Variants in PDE4B observed in about 807,000 individuals in gnomAD.
PDE4B encodes phosphodiesterase 4B, also known as 3',5'-cyclic-AMP phosphodiesterase 4B.
Under a neutral mutation model 82.2 loss-of-function variants are expected in PDE4B, and 20 were observed. The observed-to-expected ratio is 0.24, with a 90% CI of 0.17 to 0.35. The LOEUF (loss-of-function observed/expected upper bound fraction) is 0.35. PDE4B is among the 10% of genes least tolerant of loss of function. PDE4B has a pLI of 1.00. For missense variants in PDE4B, 655 were observed against 907.2 expected, an observed-to-expected ratio of 0.72 and a Z score of 3.57; for synonymous variants, 320 against 318.9, an observed-to-expected ratio of 1.00 and a Z score of -0.04.
intron 3 of PDE4B, among the ~76,000 whole-genome samples, chr1:66,102,301 G>A (rs915229245): frequency 4.6e-5 from 7 of 151,950 alleles, no homozygotes; most frequent in African/African-American, 7.2e-5. Flanking sequence ...TTTCATCATC[G>A]TGTTTTCGGG....
intron 1 of PDE4B, among the ~76,000 whole-genome samples, chr1:65,892,444 G>A (rs1274370472): frequency 6.6e-6 from 1 of 152,044 alleles, no homozygotes; most frequent in Non-Finnish European, 1.5e-5. Flanking sequence ...AGCAAAACAT[G>A]CCTCAAAACC....
chr1:65,997,945 G>T (rs886354622), intron 3 of PDE4B, among the ~76,000 whole-genome samples: 2 of 152,198 alleles, frequency 1.3e-5, no homozygotes, highest in African/African-American at 4.8e-5. Flanking sequence ...GATGACATTT[G>T]TGTGGGGTTG....
chr1:66,280,268 C>CGCAAGTAG (rs1248083896), intron 7 of PDE4B, among the ~76,000 whole-genome samples: 9 of 152,198 alleles, frequency 5.9e-5, no homozygotes, highest in African/African-American at 2.2e-4. Context: ...CTTGACAGTG[C>CGCAAGTAG]GCAAGTAGTG....
At position 66,190,820 on chromosome 1, in the gene PDE4B, T is replaced by C. The variant is rs1647732274; in HGVS notation, c.282-56640T>C. Among the ~76,000 whole-genome samples, 3 of 152,076 alleles carry C rather than the reference T, an allele frequency of 2.0e-5. No individual in the cohort carries two copies. The South Asian group carries it at 6.2e-4, about 32-fold the overall frequency. On this transcript the variant is annotated intron_variant, in intron 3 of 16. Coordinates refer to ENST00000341517, the MANE Select transcript of PDE4B (RefSeq NM_002600.4). Reference sequence around the variant, plus strand: ...CGATGCCTCACCCTGCTTTGGCTCATACTCGGTGTGCTGCACGTGCTGTCC... The same window carrying C: ...CGATGCCTCACCCTGCTTTGGCTCACACTCGGTGTGCTGCACGTGCTGTCC...
Position 66,177,806 on chromosome 1 carries a change from C to G in PDE4B, c.282-69654C>G, listed in dbSNP as rs143531234. On this transcript the variant is annotated intron_variant, in intron 3 of 16. Transcript: ENST00000341517. ...AGTAAGCCACAGGAATGCCCTGAAGCCTTTCCTAAAGGTGGGATCATCATG... is the reference window on the plus strand; with the variant it reads ...AGTAAGCCACAGGAATGCCCTGAAGGCTTTCCTAAAGGTGGGATCATCATG... Among the ~76,000 whole-genome samples, 517 of 152,194 alleles carry G rather than the reference C, an allele frequency of 3.4e-3. 4 individuals carry two copies. Among genetic ancestry groups the G allele is most frequent in the African/African-American group, 0.012 (494 of 41,512 alleles).
chr1:66,164,364 A>C (rs1023535194), intron 3 of PDE4B, among the ~76,000 whole-genome samples: 2 of 151,530 alleles, frequency 1.3e-5, no homozygotes, highest in African/African-American at 4.9e-5. Flanking sequence ...GTGAAACCCC[A>C]TCTCTACTAA....
chr1:66,117,880 C>T (rs1007025246), intron 3 of PDE4B, among the ~76,000 whole-genome samples: 1 of 152,144 alleles, frequency 6.6e-6, no homozygotes, highest in African/African-American at 2.4e-5. Context: ...CCTAAGGAAT[C>T]GCCACACTGA....
chr1:66,078,594 C>A (rs1463457899), intron 3 of PDE4B, among the ~76,000 whole-genome samples: 1 of 152,060 alleles, frequency 6.6e-6, no homozygotes, highest in African/African-American at 2.4e-5. Flanking sequence ...GTAGCATGTG[C>A]TTAATCTCTA....
At chr1:65,939,075 TC>T (rs768501992) in intron 3 of PDE4B, among the ~76,000 whole-genome samples, 2 of 152,118 alleles carry the variant, frequency 1.3e-5, no homozygotes, top group Non-Finnish European at 2.9e-5. Flanking sequence ...CAGACACTGT[TC>T]CAGGTGTTGG....
At chr1:66,190,313 C>G (rs1159904119) in intron 3 of PDE4B, among the ~76,000 whole-genome samples, 1 of 152,202 alleles carries the variant, frequency 6.6e-6, no homozygotes, top group African/African-American at 2.4e-5. Flanking sequence ...TCTGTCCATT[C>G]TCAGATCTCC....
chr1:66,372,234 T>G, intron 16 of PDE4B, 79 bp from the exon 17 acceptor site: 2 of 1,413,080 alleles, frequency 1.4e-6, no homozygotes, highest in Non-Finnish European at 1.9e-6. Context: ...ATGTTCTTTC[T>G]TTGCATGGAA....
intron 3 of PDE4B, among the ~76,000 whole-genome samples, chr1:66,125,618 T>C (rs1645807517): frequency 6.6e-6 from 1 of 152,236 alleles, no homozygotes; most frequent in East Asian, 1.9e-4. Context: ...AATTAGCCTA[T>C]GGTAAAATTG....
At chr1:66,046,842 A>G (rs1246483901) in intron 3 of PDE4B, among the ~76,000 whole-genome samples, 3 of 151,834 alleles carry the variant, frequency 2.0e-5, no homozygotes. Flanking sequence ...TGAATAGAAT[A>G]TCCTCCAATA....
chr1:66,091,922 TA>T (rs1227405740), intron 3 of PDE4B, among the ~76,000 whole-genome samples: 3 of 152,110 alleles, frequency 2.0e-5, no homozygotes, highest in African/African-American at 7.2e-5. Context: ...TTTGGTGATA[TA>T]TCTAATATCC....
intron 1 of PDE4B, among the ~76,000 whole-genome samples, chr1:65,824,287 T>C (rs1183193569): frequency 1.3e-5 from 2 of 152,214 alleles, no homozygotes; most frequent in African/African-American, 2.4e-5. Context: ...ATTGGCTTCA[T>C]TGTTTAAGCA....
At chr1:66,074,485 A>G (rs1476313868) in intron 3 of PDE4B, among the ~76,000 whole-genome samples, 3 of 152,134 alleles carry the variant, frequency 2.0e-5, no homozygotes, top group Non-Finnish European at 4.4e-5. Flanking sequence ...ATTACACATA[A>G]CAATATTTAC....
At position 66,352,726 on chromosome 1, in the gene PDE4B, T is replaced by TC. The variant is rs376049592; in HGVS notation, c.748-2800dup. ...TTTTGTTTGTTCCTTTGTTTTTTTTTCACTGCTATATCATCACTCTTTTCC... is the reference window on the plus strand; with the variant it reads ...TTTTGTTTGTTCCTTTGTTTTTTTTTCCACTGCTATATCATCACTCTTTTCC... On this transcript the variant is annotated intron_variant, in intron 8 of 16. Coordinates refer to ENST00000341517, the MANE Select transcript of PDE4B (RefSeq NM_002600.4). Among the ~76,000 whole-genome samples the TC allele has an allele frequency of 3.9e-4, 59 of 150,118 alleles. 1 individual carries two copies. The East Asian group carries it at 7.1e-3, about 18-fold the overall frequency.
intron 3 of PDE4B, among the ~76,000 whole-genome samples, chr1:66,163,956 A>G (rs1334881794): frequency 6.6e-6 from 1 of 152,186 alleles, no homozygotes; most frequent in Admixed American, 6.5e-5. Flanking sequence ...CTCAGATAAC[A>G]TTTATTCCTT....
intron 1 of PDE4B, among the ~76,000 whole-genome samples, chr1:65,835,290 T>C (rs1285704010): frequency 6.6e-6 from 1 of 152,178 alleles, no homozygotes; most frequent in African/African-American, 2.4e-5. Flanking sequence ...CATCCCTCTC[T>C]GTTCTCCAAA....
Sources: allele counts gnomAD v4.1 joint callset (sites outside exome capture counted in the v4.1 genomes callset), GRCh38; gene constraint gnomAD v4.1.1; transcripts MANE v1.5; gene names NCBI Gene and HGNC (gene_info 2026-07-23, HGNC 2026-07-21).